Variants in TELO2 observed in about 807,000 individuals in gnomAD.
TELO2 encodes telomere length regulation protein TEL2 homolog.
Under a neutral mutation model 91.0 loss-of-function variants are expected in TELO2, and 71 were observed. That is an observed-to-expected ratio of 0.78 (90% CI 0.64 to 0.95). The LOEUF (loss-of-function observed/expected upper bound fraction) is 0.95, where lower values mean the gene tolerates loss of function less well. TELO2 is among the 40% of genes least tolerant of loss of function. The pLI, the probability that TELO2 is intolerant of heterozygous loss-of-function variation, is 0.00. For synonymous variants in TELO2, 584 were observed against 518.9 expected (o/e 1.13, Z -1.71); for missense variants, 1,183 against 1,141.3 (o/e 1.04, Z -0.53).
At chr16:1,500,256 G>C (rs893128403) in intron 7 of TELO2, 91 bp from the exon 8 acceptor site, 96 of 1,530,050 alleles carry the variant, frequency 6.3e-5, no homozygotes, top group Non-Finnish European at 7.9e-5. Flanking sequence ...GGCTGGCTGG[G>C]CTGGGGCGGA....
chr16:1,506,681 TGGCAGAGAA>T, intron 17 of TELO2: 1 of 1,361,502 alleles, frequency 7.3e-7, no homozygotes, highest in South Asian at 1.6e-5. Context: ...GCTCTCGAGA[TGGCAGAGAA>T]GTGTGGGGCC....
Position 1,505,475 on chromosome 16 carries a change from C to T in TELO2, c.1908C>T (p.Gly636=), listed in dbSNP as rs761921599. Residue 636 remains glycine (G), a synonymous_variant, in exon 16 of 21, where the codon GGC becomes GGT. Coordinates refer to ENST00000262319, the MANE Select transcript of TELO2 (RefSeq NM_016111.4). The surrounding 1 kb of genome is among the most constrained non-coding windows in gnomAD (Gnocchi z 4.3). ...GCCTCGGGAGGACTCCCCAACCTGG[C>T]TCCCCAAGTCCCAACACCCCGTGCC... is the stretch of plus-strand genomic sequence containing the variant. The part of the protein sequence containing the change: ...PGCLGRTPQP[G]SPSPNTPCLP... The T allele has an allele frequency of 3.1e-6, 5 of 1,613,148 alleles. No homozygotes were observed. The highest frequency in any genetic ancestry group is 4.2e-6 in the Non-Finnish European group (5 of 1,180,008).
rs748530542 is a variant in TELO2 at position 1,502,418 on chromosome 16, G to A, written c.1653+14G>A. On this transcript the variant is annotated intron_variant, in intron 13 of 20. Coordinates refer to ENST00000262319, the MANE Select transcript of TELO2 (RefSeq NM_016111.4). ...GCCACTCGGGAGGTGAGTGGGGGGCGGGAGTGGGTGGGGAGGCCCAAGATG... is the reference window on the plus strand; with the variant it reads ...GCCACTCGGGAGGTGAGTGGGGGGCAGGAGTGGGTGGGGAGGCCCAAGATG... 31 of 1,578,336 alleles carry A rather than the reference G, an allele frequency of 2.0e-5. No homozygotes were observed. Among genetic ancestry groups the A allele is most frequent in the Non-Finnish European group, 2.7e-5 (31 of 1,164,084 alleles).
At position 1,495,575 on chromosome 16, in the gene TELO2, G is replaced by T; in HGVS notation, c.565G>T (p.Gly189Cys). 1 of 1,609,500 alleles carries T rather than the reference G, an allele frequency of 6.2e-7. No individual in the cohort carries two copies. Residue 189 changes from glycine to cysteine, a missense_variant, in exon 3 of 21, where the codon GGC becomes TGC. Gly to Cys is a radical substitution (Grantham distance 159). Transcript: ENST00000262319. ...CCCCCAGAACTACTTCCGCCTGCTCGGCGAGGAGGTCGTCCGGGTGCTGCA... is the reference window on the plus strand; with the variant it reads ...CCCCCAGAACTACTTCCGCCTGCTCTGCGAGGAGGTCGTCCGGGTGCTGCA... The part of the protein sequence containing the change: ...FFPQNYFRLL[G>C]EEVVRVLQAV...
rs528768370 is a variant in TELO2, at chr16:1,505,382, C to T, written c.1843-28C>T. ...GAAATGTTCTTCCCTGGAGCAGTGG[C>T]GACGGCCCTGGGCCTGTCTCCCTCC... On this transcript the variant is annotated intron_variant, in intron 15 of 20. Transcript: ENST00000262319. This position sits in a 1 kb window ranked among gnomAD's most constrained non-coding sequence, Gnocchi z 4.3. 46 of 1,590,590 alleles carry T rather than the reference C, an allele frequency of 2.9e-5. 1 individual carries two copies. Among genetic ancestry groups the T allele is most frequent in the South Asian group, 2.4e-4 (22 of 90,346 alleles).
Position 1,505,503 on chromosome 16 carries a change from C to T in TELO2, c.1936C>T (p.Pro646Ser). Residue 646 changes from proline to serine, a missense_variant, in exon 16 of 21, where the codon CCA becomes TCA. By Grantham distance (74) the Pro-to-Ser change is moderately conservative. Coordinates refer to ENST00000262319, the MANE Select transcript of TELO2 (RefSeq NM_016111.4). The surrounding 1 kb of genome is among the most constrained non-coding windows in gnomAD (Gnocchi z 4.3). ...CCCAAGTCCCAACACCCCGTGCCTGCCAGAGGCAGCCGTCTCTCAGCCTGG... is the reference window on the plus strand; with the variant it reads ...CCCAAGTCCCAACACCCCGTGCCTGTCAGAGGCAGCCGTCTCTCAGCCTGG... Reference protein sequence around the residue: ...GSPSPNTPCLPEAAVSQPGSA... With the variant: ...GSPSPNTPCLSEAAVSQPGSA... 6.2e-7 allele frequency: 1 copy of T among 1,613,072 alleles called. No homozygotes were observed. Among genetic ancestry groups the T allele is most frequent in the Non-Finnish European group, 8.5e-7 (1 of 1,179,988 alleles).
At chr16:1,496,124 T>C (rs2039483699) in intron 3 of TELO2, among the ~76,000 whole-genome samples, 1 of 152,178 alleles carries the variant, frequency 6.6e-6, no homozygotes, top group Admixed American at 6.5e-5. Flanking sequence ...CCCTGCAGGG[T>C]GACCCCTTCC....
In TELO2 at chr16:1,495,604, G is replaced by A. The variant is rs773976708; in HGVS notation, c.594G>A (p.Ala198=). The A allele has an allele frequency of 1.1e-5, 17 of 1,599,812 alleles. No homozygotes were observed. Among genetic ancestry groups the A allele is most frequent in the Non-Finnish European group, 1.4e-5 (16 of 1,170,702 alleles). The part of the protein sequence containing the change: ...LGEEVVRVLQ[A]VVDSLQGGLD... The stretch of plus-strand genomic sequence containing the variant: ...AGGAGGTCGTCCGGGTGCTGCAGGC[G>A]GTTGTGGACTCTCTCCAAGGTGAGG... The change falls in exon 3 of 21, where the codon GCG becomes GCA. Residue 198 remains alanine, a synonymous_variant. Transcript: ENST00000262319.
chr16:1,497,183 C>A lies in TELO2; in HGVS notation c.682+79C>A. 1 of 1,574,342 alleles carries A rather than the reference C, an allele frequency of 6.4e-7. No homozygotes were observed. Among genetic ancestry groups the A allele is most frequent in the Non-Finnish European group, 8.7e-7 (1 of 1,153,392 alleles). On this transcript the variant is annotated intron_variant, in intron 4 of 20. Coordinates refer to ENST00000262319, the MANE Select transcript of TELO2 (RefSeq NM_016111.4). The surrounding 1 kb of genome is among the most constrained non-coding windows in gnomAD (Gnocchi z 4.0). ...AGCCTTCTGCAGAAGGCCGAGAATC[C>A]CTCCTGACCCTGGCCCTCTGCAGGG...
rs1259143914 is a variant in TELO2 at position 1,507,046 on chromosome 16, A to G, written c.2221A>G (p.Thr741Ala). 3 of 1,607,160 alleles carry G rather than the reference A, an allele frequency of 1.9e-6. No individual in the cohort carries two copies. In the South Asian group the frequency reaches 3.3e-5, roughly 18 times the overall value. The change falls in exon 18 of 21, where the codon ACC (threonine) becomes GCC (alanine). Residue 741 changes from threonine to alanine, a missense_variant. Transcript: ENST00000262319. ...GGCCCTGATGTGCCTGGCTGTTAACACCACGGTGAGCCGGGAGAGGTCGCC... is the reference window on the plus strand; with the variant it reads ...GGCCCTGATGTGCCTGGCTGTTAACGCCACGGTGAGCCGGGAGAGGTCGCC... ...LGALMCLAVN[T>A]TVAVAMGKAL...
rs567032988 is a variant in TELO2, at chr16:1,494,437, G to A, written c.156G>A (p.Glu52=). The A allele has an allele frequency of 6.2e-7, 1 of 1,613,570 alleles. No homozygotes were observed. Among genetic ancestry groups the A allele is most frequent in the Non-Finnish European group, 8.5e-7 (1 of 1,180,018 alleles). Residue 52 remains glutamate, a synonymous_variant, in exon 2 of 21, where the codon GAG becomes GAA. Transcript: ENST00000262319. The surrounding 1 kb of genome is among the most constrained non-coding windows in gnomAD (Gnocchi z 5.6). ...MEPPALPREK[E]EFASAHFSPV... is the part of the protein sequence containing the mutation. ...CTCCAGCGCTCCCGAGGGAGAAGGA[G>A]GAGTTTGCCTCGGCCCACTTCTCGC...
At chr16:1,507,536 T>C (rs1338403581) in intron 19 of TELO2, 65 bp from the exon 20 acceptor site, 1 of 1,503,788 alleles carries the variant, frequency 6.6e-7, no homozygotes, top group Admixed American at 2.0e-5. Context: ...TCTGCCACAC[T>C]GAGGGGAGTG....
chr16:1,510,193 G>A lies in TELO2; in HGVS notation c.*257G>A, dbSNP rs1044603. 0.082 allele frequency: 41,045 copies of A among 503,032 alleles called. 2,128 individuals carry two copies. The highest frequency in any genetic ancestry group is 0.17 in the African/African-American group (8,530 of 51,454). 31.2% of individuals were successfully genotyped at this position (503,032 alleles called of 1,614,324 possible). Reference sequence around the variant, plus strand: ...GGCTGGGGCTGTGGGCGCTGCTGGCGGGGTTGACTCTTCCAGTGAGGGCAG... The same window carrying A: ...GGCTGGGGCTGTGGGCGCTGCTGGCAGGGTTGACTCTTCCAGTGAGGGCAG... On this transcript the variant is annotated 3_prime_UTR_variant, in exon 21 of 21. Transcript: ENST00000262319.
chr16:1,507,790 G>A (rs2039955935), intron 20 of TELO2, 74 bp downstream of exon 20: 2 of 1,024,342 alleles, frequency 2.0e-6, no homozygotes, highest in East Asian at 4.0e-5. Context: ...GTGTGTGTGT[G>A]TGAGAGATGT....
intron 18 of TELO2, 87 bp downstream of exon 18, chr16:1,507,138 T>C (rs1199311512): frequency 1.7e-5 from 26 of 1,505,046 alleles, no homozygotes; most frequent in Non-Finnish European, 2.3e-5. Flanking sequence ...CAGGGATGGG[T>C]GTCTGAGGGA....
intron 10 of TELO2, 29 bp downstream of exon 10, chr16:1,501,528 C>A: frequency 1.3e-6 from 2 of 1,592,274 alleles, no homozygotes; most frequent in Non-Finnish European, 1.7e-6. Flanking sequence ...CGGGACCCCA[C>A]CGCGTGCACA....
chr16:1,496,238 C>A (rs1179746323), intron 3 of TELO2, among the ~76,000 whole-genome samples: 1 of 152,204 alleles, frequency 6.6e-6, no homozygotes, highest in Non-Finnish European at 1.5e-5. Context: ...TTCTGAAACT[C>A]CCTCCCTCGC....
At chr16:1,503,494 T>C (rs2039779517) in intron 15 of TELO2, among the ~76,000 whole-genome samples, 1 of 152,098 alleles carries the variant, frequency 6.6e-6, no homozygotes, top group Admixed American at 6.5e-5. Flanking sequence ...GAGGCCGCAG[T>C]GGAGCTGTTT....
At position 1,505,505 on chromosome 16, in the gene TELO2, A is replaced by G; in HGVS notation, c.1938A>G (p.Pro646=). 6.2e-7 allele frequency: 1 copy of G among 1,613,072 alleles called. No individual in the cohort carries two copies. Among genetic ancestry groups the G allele is most frequent in the African/African-American group, 1.3e-5 (1 of 75,064 alleles). The change falls in exon 16 of 21, where the codon CCA becomes CCG. Residue 646 remains proline, a synonymous_variant. Coordinates refer to ENST00000262319, the MANE Select transcript of TELO2 (RefSeq NM_016111.4). This position sits in a 1 kb window ranked among gnomAD's most constrained non-coding sequence, Gnocchi z 4.3. ...GSPSPNTPCL[P]EAAVSQPGSA... ...CAAGTCCCAACACCCCGTGCCTGCC[A>G]GAGGCAGCCGTCTCTCAGCCTGGCA...
Sources: gnomAD v4.1 joint callset for allele counts (sites outside exome capture counted in the v4.1 genomes callset) on GRCh38, gnomAD v4.1.1 for gene constraint, Gnocchi (gnomAD v3.1) non-coding constraint, MANE v1.5 for transcripts, NCBI Gene and HGNC (gene_info 2026-07-23, HGNC 2026-07-21) for gene names.